The following KCNIP4 variants were observed in gnomAD, a reference collection of about 807,000 sequenced individuals.
KCNIP4 encodes the protein Kv channel-interacting protein 4.
A neutral mutation model predicts 34.0 loss-of-function variants in KCNIP4; 12 were observed. That is an observed-to-expected ratio of 0.35 (90% confidence interval 0.23 to 0.57). KCNIP4 has a LOEUF of 0.57. KCNIP4 is among the 20% of genes least tolerant of loss of function. KCNIP4 has a pLI of 0.83. For synonymous variants in KCNIP4, 124 were observed against 102.2 expected (o/e 1.21, Z -1.29); for missense variants, 238 against 311.7 (o/e 0.76, Z 1.78).
intron 1 of KCNIP4, among the ~76,000 whole-genome samples, chr4:21,216,710 C>G (rs757736367): frequency 2.6e-5 from 4 of 152,098 alleles, no homozygotes; most frequent in Non-Finnish European, 5.9e-5. Flanking sequence ...AGAGGAGTCA[C>G]CATGCTATCT....
At chr4:21,734,395 G>C (rs990078833) in intron 1 of KCNIP4, among the ~76,000 whole-genome samples, 2 of 147,300 alleles carry the variant, frequency 1.4e-5, no homozygotes, top group African/African-American at 2.7e-5. Context: ...TATCAAAGTA[G>C]AACTCAGTGG....
At chr4:20,739,738 T>C (rs1301762079) in intron 5 of KCNIP4, among the ~76,000 whole-genome samples, 1 of 152,180 alleles carries the variant, frequency 6.6e-6, no homozygotes, top group Non-Finnish European at 1.5e-5. Context: ...GGATGGAGAA[T>C]GACTTTGATG....
At chr4:21,929,065 C>G (rs980865289) in intron 1 of KCNIP4, among the ~76,000 whole-genome samples, 2 of 152,054 alleles carry the variant, frequency 1.3e-5, no homozygotes, top group African/African-American at 4.8e-5. Flanking sequence ...GCAGCTAGAT[C>G]TCAAAAACAT....
intron 1 of KCNIP4, among the ~76,000 whole-genome samples, chr4:21,720,532 T>C (rs1204821541): frequency 5.0e-5 from 2 of 40,088 alleles, no homozygotes; most frequent in African/African-American, 6.3e-4. Context: ...TTTTTTTTCT[T>C]TTTTTTTTTT....
chr4:21,286,939 G>C (rs775889918), intron 1 of KCNIP4, among the ~76,000 whole-genome samples: 1 of 152,118 alleles, frequency 6.6e-6, no homozygotes, highest in African/African-American at 2.4e-5. Flanking sequence ...GCTACAAGGA[G>C]ACACCATTGT....
In KCNIP4 at chr4:21,095,665, T is replaced by C. The variant is rs74576776; in HGVS notation, c.62-212956A>G. 3.5e-3 allele frequency among the ~76,000 whole-genome samples: 536 copies of C among 152,270 alleles called. 1 individual carries two copies. Among genetic ancestry groups the C allele is most frequent in the African/African-American group, 0.013 (524 of 41,554 alleles). The stretch of plus-strand genomic sequence containing the variant: ...GAGAATATTCTAAGTTTGAGAAGTG[T>C]TTTATTTCTCTAAAATTAGAAAAAT... On this transcript the variant is annotated intron_variant, in intron 1 of 8. Coordinates refer to ENST00000382152, the MANE Select transcript of KCNIP4 (RefSeq NM_025221.6).
chr4:20,799,540 A>G (rs1012354042), intron 3 of KCNIP4, among the ~76,000 whole-genome samples: 2 of 152,032 alleles, frequency 1.3e-5, no homozygotes, highest in Non-Finnish European at 2.9e-5. Context: ...ACTAACCTCC[A>G]CCCATCTGAG....
At chr4:21,252,976 G>T (rs1284772730) in intron 1 of KCNIP4, among the ~76,000 whole-genome samples, 1 of 151,920 alleles carries the variant, frequency 6.6e-6, no homozygotes, top group African/African-American at 2.4e-5. Flanking sequence ...CCCATAAAGG[G>T]GTTGAAAGGG....
chr4:21,431,586 A>ATGTATCC (rs1200325660), intron 1 of KCNIP4, among the ~76,000 whole-genome samples: 1 of 152,124 alleles, frequency 6.6e-6, no homozygotes, highest in African/African-American at 2.4e-5. Context: ...ATTACATGCT[A>ATGTATCC]TGTATCCCAG....
In KCNIP4 at chr4:21,283,960, TC is replaced by T. The variant is rs537236603; in HGVS notation, c.62-401252del. ...CGGGCACGGTGGCTCACACCTGTAA[TC>T]CCAGTACTTTGGGAGGCCGAGGTGG... is the stretch of plus-strand genomic sequence containing the variant. On this transcript the variant is annotated intron_variant, in intron 1 of 8. Coordinates refer to ENST00000382152, the MANE Select transcript of KCNIP4 (RefSeq NM_025221.6). 3.3e-3 allele frequency among the ~76,000 whole-genome samples: 495 copies of T among 152,264 alleles called. 3 individuals are homozygous for T. The highest frequency in any genetic ancestry group is 0.011 in the African/African-American group (475 of 41,540).
chr4:21,409,721 A>C (rs1349573409), intron 1 of KCNIP4, among the ~76,000 whole-genome samples: 1 of 152,218 alleles, frequency 6.6e-6, no homozygotes, highest in Non-Finnish European at 1.5e-5. Context: ...GGGGTCGATA[A>C]AATTGTGCTG....
intron 1 of KCNIP4, among the ~76,000 whole-genome samples, chr4:21,635,583 A>T (rs911692045): frequency 1.1e-4 from 17 of 152,102 alleles, no homozygotes. Flanking sequence ...TCAAAACCAC[A>T]ATGAGATACC....
intron 3 of KCNIP4, among the ~76,000 whole-genome samples, chr4:20,782,894 A>G (rs1756992407): frequency 6.6e-6 from 1 of 152,108 alleles, no homozygotes; most frequent in African/African-American, 2.4e-5. Flanking sequence ...CCAAACTTTT[A>G]TGCTCTGCTT....
chr4:21,871,826 G>C (rs113113241), intron 1 of KCNIP4, among the ~76,000 whole-genome samples: 45 of 117,402 alleles, frequency 3.8e-4, no homozygotes, highest in African/African-American at 1.5e-3. Flanking sequence ...GAAATTTTCT[G>C]TTCACTGATC....
At chr4:21,256,443 AG>A in intron 1 of KCNIP4, among the ~76,000 whole-genome samples, 1 of 151,352 alleles carries the variant, frequency 6.6e-6, no homozygotes, top group Non-Finnish European at 1.5e-5. Context: ...AAAAGGACAA[AG>A]ACAAAGAAAA....
At chr4:21,131,186 T>C (rs1452896135) in intron 1 of KCNIP4, among the ~76,000 whole-genome samples, 2 of 152,108 alleles carry the variant, frequency 1.3e-5, no homozygotes, top group Non-Finnish European at 2.9e-5. Flanking sequence ...ACGGATAAAA[T>C]ATTTGTGGCA....
chr4:21,579,808 T>C (rs372484527), intron 1 of KCNIP4, among the ~76,000 whole-genome samples: 2 of 152,204 alleles, frequency 1.3e-5, no homozygotes, highest in African/African-American at 2.4e-5. Context: ...TTTAACTAAA[T>C]GTTTCCCTTT....
chr4:21,226,354 A>AAGGAAGGAAGGAAG (rs1758398619), intron 1 of KCNIP4, among the ~76,000 whole-genome samples: 1 of 135,830 alleles, frequency 7.4e-6, no homozygotes, highest in African/African-American at 3.1e-5. Context: ...GAGAAGGAAG[A>AAGGAAGGAAGGAAG]GAAGGAAGGA....
At chr4:21,005,997 T>C (rs1738523073) in intron 1 of KCNIP4, among the ~76,000 whole-genome samples, 1 of 152,212 alleles carries the variant, frequency 6.6e-6, no homozygotes, top group South Asian at 2.1e-4. Context: ...AAAGTATTTA[T>C]GTCAATAGGA....
Sources: gnomAD v4.1 joint callset for allele counts (sites outside exome capture counted in the v4.1 genomes callset) on GRCh38, gnomAD v4.1.1 for gene constraint, MANE v1.5 for transcripts, NCBI Gene and HGNC (gene_info 2026-07-23, HGNC 2026-07-21) for gene names.